ASIC2: variants seen among roughly 807,000 people sequenced by gnomAD.
The protein encoded by ASIC2 is acid-sensing ion channel 2.
Under a neutral mutation model 57.3 loss-of-function variants are expected in ASIC2, and 25 were observed. That is an observed-to-expected ratio of 0.44 (90% CI 0.32 to 0.61). The LOEUF (loss-of-function observed/expected upper bound fraction) is 0.61, where lower values mean the gene tolerates loss of function less well. Ranked by LOEUF, ASIC2 falls within the 20% of genes least tolerant of loss-of-function variation. The pLI is 0.06. For synonymous variants in ASIC2, 319 were observed against 307.5 expected (o/e 1.04, Z -0.39); for missense variants, 641 against 738.1 (o/e 0.87, Z 1.52).
chr17:33,641,460 T>C (rs1042128400), intron 1 of ASIC2, among the ~76,000 whole-genome samples: 7 of 152,162 alleles, frequency 4.6e-5, no homozygotes, highest in Non-Finnish European at 1.0e-4. Flanking sequence ...CAAAAGGCCA[T>C]AGGAATTTGA....
intron 1 of ASIC2, chr17:33,634,757 A>G (rs975833655): frequency 2.2e-5 from 3 of 134,334 alleles, no homozygotes; most frequent in Admixed American, 1.6e-4. Context: ...GTTTCGCCCT[A>G]TTAGCCAGGA....
intron 1 of ASIC2, among the ~76,000 whole-genome samples, chr17:33,465,941 G>A (rs1046363039): frequency 1.3e-5 from 2 of 152,156 alleles, no homozygotes; most frequent in Non-Finnish European, 2.9e-5. Flanking sequence ...GCTTGAGAAA[G>A]TTTCCTCAGG....
chr17:33,749,258 G>A (rs541687155), intron 1 of ASIC2, among the ~76,000 whole-genome samples: 127 of 152,012 alleles, frequency 8.4e-4, no homozygotes, highest in African/African-American at 3.0e-3. Flanking sequence ...CCTACCCCAG[G>A]GAAACAAGAC....
At chr17:33,286,721 C>T (rs1018444972) in intron 1 of ASIC2, among the ~76,000 whole-genome samples, 5 of 152,180 alleles carry the variant, frequency 3.3e-5, no homozygotes, top group East Asian at 1.9e-4. Context: ...AATAAACCAT[C>T]GAAGATCCCC....
intron 1 of ASIC2, among the ~76,000 whole-genome samples, chr17:34,109,635 CCCA>C (rs1157759277): frequency 6.6e-6 from 1 of 152,198 alleles, no homozygotes; most frequent in African/African-American, 2.4e-5. Context: ...CAAACACATG[CCCA>C]CCACATGTGC....
At chr17:33,415,059 C>T (rs533347478) in intron 1 of ASIC2, among the ~76,000 whole-genome samples, 11 of 152,342 alleles carry the variant, frequency 7.2e-5, no homozygotes, top group African/African-American at 2.2e-4. Flanking sequence ...TCATACCACC[C>T]TGTGGGGACA....
chr17:33,116,194 G>A lies in ASIC2; in HGVS notation c.709-4127C>T, dbSNP rs565492349. ...GCTGCATGCCTTTGCTGGTCTCTCC[G>A]CCTGGGCTGCTGAGCCTCCCGCTCC... On this transcript the variant is annotated intron_variant, in intron 1 of 9. Coordinates refer to ENST00000225823, the MANE Select transcript of ASIC2 (RefSeq NM_183377.2). Among the ~76,000 whole-genome samples the A allele has an allele frequency of 9.0e-4, 137 of 152,288 alleles. 1 individual carries two copies. The highest frequency in any genetic ancestry group is 3.1e-3 in the African/African-American group (127 of 41,570).
intron 1 of ASIC2, among the ~76,000 whole-genome samples, chr17:34,075,190 C>T (rs1197631699): frequency 1.3e-5 from 2 of 152,116 alleles, no homozygotes; most frequent in Admixed American, 6.5e-5. Flanking sequence ...GCTCGGTGAG[C>T]CTAAATGTGG....
chr17:34,011,460 C>T (rs138664163), intron 1 of ASIC2, among the ~76,000 whole-genome samples: 2 of 152,162 alleles, frequency 1.3e-5, no homozygotes, highest in South Asian at 4.1e-4. Flanking sequence ...CCATTCATAG[C>T]CCAATGTCTT....
chr17:33,857,783 C>A (rs924185686), intron 1 of ASIC2, among the ~76,000 whole-genome samples: 1 of 152,168 alleles, frequency 6.6e-6, no homozygotes, highest in African/African-American at 2.4e-5. Context: ...CTCCTTCAGA[C>A]CTTCTATTTT....
intron 1 of ASIC2, among the ~76,000 whole-genome samples, chr17:33,516,404 G>A (rs546732969): frequency 1.6e-5 from 2 of 124,342 alleles, no homozygotes; most frequent in East Asian, 4.3e-4. Flanking sequence ...GTTTGTGAGT[G>A]TGAGTGTGTG....
At chr17:33,672,710 C>A (rs1209816740) in intron 1 of ASIC2, among the ~76,000 whole-genome samples, 1 of 152,208 alleles carries the variant, frequency 6.6e-6, no homozygotes, top group East Asian at 1.9e-4. Flanking sequence ...ACTGCTACAT[C>A]TTTTAATACA....
At chr17:33,632,288 T>C (rs1472416467) in intron 1 of ASIC2, among the ~76,000 whole-genome samples, 1 of 152,214 alleles carries the variant, frequency 6.6e-6, no homozygotes, top group African/African-American at 2.4e-5. Flanking sequence ...ATAATTTACC[T>C]GCAATAATAA....
At chr17:33,891,974 T>C (rs1254519349) in intron 1 of ASIC2, among the ~76,000 whole-genome samples, 1 of 152,216 alleles carries the variant, frequency 6.6e-6, no homozygotes, top group Non-Finnish European at 1.5e-5. Flanking sequence ...CATTTTCCCT[T>C]CTGACATTGT....
intron 1 of ASIC2, among the ~76,000 whole-genome samples, chr17:33,693,125 G>A (rs1388426736): frequency 6.6e-6 from 1 of 152,084 alleles, no homozygotes; most frequent in African/African-American, 2.4e-5. Flanking sequence ...ATTCTCTCAT[G>A]TATTTGGTTT....
chr17:33,656,433 A>T (rs280048), intron 1 of ASIC2, among the ~76,000 whole-genome samples: 10 of 152,038 alleles, frequency 6.6e-5, no homozygotes, highest in African/African-American at 2.4e-4. Flanking sequence ...CCAACATTGC[A>T]AATGGCCTAA....
chr17:33,342,351 C>CGT (rs1001791609), intron 1 of ASIC2, among the ~76,000 whole-genome samples: 3 of 149,994 alleles, frequency 2.0e-5, no homozygotes, highest in Admixed American at 6.6e-5. Context: ...TGTGTGTGTA[C>CGT]GTGTGTGTGT....
At chr17:33,688,525 A>G (rs1031797544) in intron 1 of ASIC2, among the ~76,000 whole-genome samples, 4 of 152,242 alleles carry the variant, frequency 2.6e-5, no homozygotes, top group African/African-American at 9.6e-5. Flanking sequence ...GAAATGACCT[A>G]GAACCCACAG....
At chr17:33,718,136 A>G (rs779378087) in intron 1 of ASIC2, among the ~76,000 whole-genome samples, 18 of 152,182 alleles carry the variant, frequency 1.2e-4, no homozygotes, top group Non-Finnish European at 2.1e-4. Context: ...GGATTCGCAC[A>G]TAACCTACAC....
Sources: gnomAD v4.1 joint callset for allele counts (sites outside exome capture counted in the v4.1 genomes callset) on GRCh38, gnomAD v4.1.1 for gene constraint, MANE v1.5 for transcripts, NCBI Gene and HGNC (gene_info 2026-07-23, HGNC 2026-07-21) for gene names.